The following DCAF4 variants were observed in gnomAD, a reference collection of about 807,000 sequenced individuals.
DCAF4 encodes DDB1- and CUL4-associated factor 4.
In DCAF4, 37 loss-of-function variants were observed where a neutral mutation model predicts 60.9. The observed-to-expected ratio is 0.61, with a 90% CI of 0.47 to 0.80. DCAF4 has a LOEUF of 0.80. Among genes scored for constraint, DCAF4 ranks in the 30% least tolerant of loss-of-function variants. The probability of loss-of-function intolerance (pLI) is 0.00; values close to 1 mark genes in which losing one functional copy is unlikely to be tolerated. For synonymous variants in DCAF4, 243 were observed against 254.8 expected, an observed-to-expected ratio of 0.95 and a Z score of 0.44; for missense variants, 577 against 650.0, an observed-to-expected ratio of 0.89 and a Z score of 1.22.
At chr14:72,953,730 A>ATATATAT (rs1179787420) in intron 9 of DCAF4, among the ~76,000 whole-genome samples, 19 of 27,770 alleles carry the variant, frequency 6.8e-4, no homozygotes, top group African/African-American at 2.4e-3. Context: ...AAAAAAAAAA[A>ATATATAT]AAATATATAT....
At position 72,955,663 on chromosome 14, in the gene DCAF4, G is replaced by T; in HGVS notation, c.1146G>T (p.Glu382Asp). The change falls in exon 12 of 14, where the codon GAG becomes GAT. Residue 382 changes from glutamate to aspartate, a missense_variant. Glu to Asp is a conservative substitution (Grantham distance 45). Transcript: ENST00000358377. ...AVTSVRILQD[E>D]QYLMASDMAG... is the part of the protein sequence containing the mutation. ...CCTCTGTGCGGATCCTCCAAGATGA[G>T]CAATACCTGATGGCTTCAGACATGG... 1.2e-6 allele frequency: 2 copies of T among 1,614,106 alleles called. No individual in the cohort carries two copies. Among genetic ancestry groups the T allele is most frequent in the Non-Finnish European group, 1.7e-6 (2 of 1,180,000 alleles).
In DCAF4 at chr14:72,938,010, G is replaced by T. The variant is rs540271702; in HGVS notation, c.32G>T (p.Arg11Leu). MNKSRWQSRR[R>L]HGRRSHQQNP... ...AAAAGTCGCTGGCAGAGTAGAAGAC[G>T]ACATGGGAGAAGAAGCCACCAGCAG... Residue 11 changes from arginine to leucine, a missense_variant, in exon 2 of 14, where the codon CGA (arginine) becomes CTA (leucine). Transcript: ENST00000358377. The T allele has an allele frequency of 3.1e-6, 5 of 1,609,882 alleles. No individual in the cohort carries two copies. Among genetic ancestry groups the T allele is most frequent in the African/African-American group, 2.7e-5 (2 of 74,596 alleles).
At chr14:72,948,179 G>GT (rs889794105) in intron 8 of DCAF4, among the ~76,000 whole-genome samples, 6 of 152,138 alleles carry the variant, frequency 3.9e-5, no homozygotes, top group South Asian at 4.2e-4. Context: ...TTTCAAAGGA[G>GT]TTTTTTTGGA....
chr14:72,942,906 TC>T, intron 5 of DCAF4, 87 bp from the exon 6 acceptor site: 4 of 1,191,514 alleles, frequency 3.4e-6, no homozygotes, highest in East Asian at 2.4e-5. Flanking sequence ...GAGATGGGCG[TC>T]AGCGGGGCAG....
At chr14:72,939,399 T>C (rs1889721013) in intron 2 of DCAF4, among the ~76,000 whole-genome samples, 1 of 152,210 alleles carries the variant, frequency 6.6e-6, no homozygotes, top group South Asian at 2.1e-4. Context: ...TTAAACTCTT[T>C]GTGCTACTGA....
intron 6 of DCAF4, among the ~76,000 whole-genome samples, chr14:72,943,712 C>G (rs1294248086): frequency 6.6e-6 from 1 of 152,164 alleles, no homozygotes; most frequent in Non-Finnish European, 1.5e-5. Context: ...ACAAAGGTCC[C>G]TGACCTTTCG....
intron 9 of DCAF4, among the ~76,000 whole-genome samples, chr14:72,952,119 G>C (rs960169441): frequency 2.0e-5 from 3 of 152,148 alleles, no homozygotes; most frequent in Non-Finnish European, 4.4e-5. Context: ...AAACCAGCGT[G>C]AGCTCAGAAC....
intron 12 of DCAF4, 38 bp from the exon 13 acceptor site, chr14:72,956,348 T>G: frequency 6.5e-7 from 1 of 1,529,976 alleles, no homozygotes; most frequent in Non-Finnish European, 8.8e-7. Context: ...TGGTACCCCC[T>G]GGCCCCTCCC....
intron 1 of DCAF4, among the ~76,000 whole-genome samples, chr14:72,931,714 T>C (rs1252560970): frequency 2.6e-5 from 4 of 152,176 alleles, no homozygotes; most frequent in African/African-American, 9.7e-5. Context: ...TTCTAGTATG[T>C]TGAATGTTTT....
intron 4 of DCAF4, 25 bp from the exon 5 acceptor site, chr14:72,941,719 TG>T (rs1353359665): frequency 6.2e-7 from 1 of 1,600,558 alleles, no homozygotes; most frequent in Non-Finnish European, 8.6e-7. Flanking sequence ...TTCATTGAAT[TG>T]TTCTCTTTTT....
chr14:72,951,873 C>T lies in DCAF4; in HGVS notation c.804C>T (p.His268=). 6 of 1,614,142 alleles carry T rather than the reference C, an allele frequency of 3.7e-6. No individual in the cohort carries two copies. Among genetic ancestry groups the T allele is most frequent in the Non-Finnish European group, 5.1e-6 (6 of 1,180,016 alleles). The change falls in exon 9 of 14, where the codon CAC becomes CAT. Residue 268 remains histidine (H), a synonymous_variant. Transcript: ENST00000358377. The part of the protein sequence containing the change: ...LLPASLFVNS[H]PGIDRPGMLC... The stretch of plus-strand genomic sequence containing the variant: ...CAGCATCACTGTTCGTCAATAGTCA[C>T]CCAGGTACAGGGTTCTCCTCCTTTA...
At chr14:72,934,041 T>G (rs943829543) in intron 1 of DCAF4, among the ~76,000 whole-genome samples, 50 of 152,202 alleles carry the variant, frequency 3.3e-4, no homozygotes, top group African/African-American at 1.2e-3. Context: ...AGAGTCCTCA[T>G]GATCATGCCC....
In DCAF4 at chr14:72,953,728, A is replaced by AT. The variant is rs1479912270; in HGVS notation, c.809-436_809-435insT. On this transcript the variant is annotated intron_variant, in intron 9 of 13. Coordinates refer to ENST00000358377, the MANE Select transcript of DCAF4 (RefSeq NM_015604.4). ...CTGTCTTAAAAAAAAAAAAAAAAAA[A>AT]AAAAATATATATATATATATATATA... Among the ~76,000 whole-genome samples the AT allele has an allele frequency of 6.2e-3, 234 of 37,740 alleles. 12 individuals carry two copies. Among genetic ancestry groups the AT allele is most frequent in the Non-Finnish European group, 6.9e-3 (144 of 20,946 alleles). The allele number at this position is 37,740 out of a possible 152,430, so 24.8% of individuals were successfully genotyped here. A position where few individuals can be genotyped will look rare whatever the true frequency, so the allele number is the denominator to read the frequency against.
At chr14:72,945,194 A>T (rs1890566912) in intron 6 of DCAF4, among the ~76,000 whole-genome samples, 1 of 152,092 alleles carries the variant, frequency 6.6e-6, no homozygotes. Context: ...GAAGTTCAAG[A>T]CCAGCCTGGA....
At position 72,947,276 on chromosome 14, in the gene DCAF4, A is replaced by C. The variant is rs972520815; in HGVS notation, c.728+85A>C. The C allele has an allele frequency of 4.1e-6, 6 of 1,478,538 alleles. No homozygotes were observed. The African/African-American group carries it at 8.3e-5, about 20-fold the overall frequency. 91.6% of individuals were successfully genotyped at this position (1,478,538 alleles called of 1,614,324 possible). A position where few individuals can be genotyped will look rare whatever the true frequency, so the allele number is the denominator to read the frequency against. On this transcript the variant is annotated intron_variant, in intron 8 of 13. Coordinates refer to ENST00000358377, the MANE Select transcript of DCAF4 (RefSeq NM_015604.4). Reference sequence around the variant, plus strand: ...GTATCTGTGGGCTTCATGACATGGCATCTTAGTGACCAGAGGACTAGACCC... The same window carrying C: ...GTATCTGTGGGCTTCATGACATGGCCTCTTAGTGACCAGAGGACTAGACCC...
chr14:72,936,563 C>A (rs1399819526), intron 1 of DCAF4, among the ~76,000 whole-genome samples: 146 of 129,454 alleles, frequency 1.1e-3, no homozygotes, highest in East Asian at 1.7e-3. Flanking sequence ...GACTCCATCT[C>A]AAAAAAAAAA....
chr14:72,949,530 G>A (rs528685441), intron 8 of DCAF4, among the ~76,000 whole-genome samples: 15 of 152,160 alleles, frequency 9.9e-5, no homozygotes, highest in African/African-American at 3.1e-4. Context: ...TGAGGCAGGC[G>A]GATCACTTGA....
chr14:72,947,876 T>C (rs541416269), intron 8 of DCAF4, among the ~76,000 whole-genome samples: 2 of 152,306 alleles, frequency 1.3e-5, no homozygotes, highest in East Asian at 3.9e-4. Context: ...TAGTACAGTG[T>C]CGTGGTCCCT....
In DCAF4 at chr14:72,956,418, C is replaced by T. The variant is rs777720362; in HGVS notation, c.1212C>T (p.Cys404=). The change falls in exon 13 of 14, where the codon TGC becomes TGT. Residue 404 remains cysteine, a synonymous_variant. Transcript: ENST00000358377. ...IKLWDLRTTK[C]VRQYEGHVNE... ...TGTGGGACCTGAGGACCACGAAGTG[C>T]GTAAGGCAGTACGAAGGCCACGTGA... 6 of 1,612,604 alleles carry T rather than the reference C, an allele frequency of 3.7e-6. No individual in the cohort carries two copies. Among genetic ancestry groups the T allele is most frequent in the Admixed American group, 1.7e-5 (1 of 59,876 alleles).
Sources: allele counts gnomAD v4.1 joint callset (sites outside exome capture counted in the v4.1 genomes callset), GRCh38; gene constraint gnomAD v4.1.1; transcripts MANE v1.5; gene names NCBI Gene and HGNC (gene_info 2026-07-23, HGNC 2026-07-21).